MAN2B2: variants seen among roughly 807,000 people sequenced by gnomAD.
The protein encoded by MAN2B2 is mannosidase alpha class 2B member 2.
In MAN2B2, 106 loss-of-function variants were observed where a neutral mutation model predicts 117.1. The observed-to-expected ratio is 0.90, with a 90% confidence interval of 0.77 to 1.06. The LOEUF is 1.06. MAN2B2 is among the 50% of genes least tolerant of loss of function. MAN2B2 has a pLI of 0.00. For missense variants in MAN2B2, 1,326 were observed against 1,381.4 expected, an observed-to-expected ratio of 0.96 and a Z score of 0.64; for synonymous variants, 544 against 595.1, an observed-to-expected ratio of 0.91 and a Z score of 1.25.
At chr4:6,592,432 C>T (rs1726894234) in intron 5 of MAN2B2, among the ~76,000 whole-genome samples, 1 of 152,022 alleles carries the variant, frequency 6.6e-6, no homozygotes, top group Admixed American at 6.6e-5. Context: ...CAGCCTGGGC[C>T]ACAGAGCAAG....
At position 6,603,992 on chromosome 4, in the gene MAN2B2, G is replaced by A. The variant is rs552389300; in HGVS notation, c.1540-1063G>A. On this transcript the variant is annotated intron_variant, in intron 10 of 18. Transcript: ENST00000285599. The stretch of plus-strand genomic sequence containing the variant: ...CCTCCCTCTCCAAATCAGACACCTT[G>A]GAGGTGAGCAGAGGCCAGGAGGGTT... Among the ~76,000 whole-genome samples, 7 of 152,344 alleles carry A rather than the reference G, an allele frequency of 4.6e-5. No individual in the cohort carries two copies. The East Asian group carries it at 7.7e-4, about 17-fold the overall frequency.
At chr4:6,612,732 A>G (rs73796300) in intron 15 of MAN2B2, among the ~76,000 whole-genome samples, 2,735 of 152,308 alleles carry the variant, frequency 0.018, 74 homozygotes, top group African/African-American at 0.058. Flanking sequence ...AGATGAGGCC[A>G]TGTCTGAGAA....
intron 3 of MAN2B2, among the ~76,000 whole-genome samples, chr4:6,580,854 C>T (rs1726400150): frequency 6.6e-6 from 1 of 152,244 alleles, no homozygotes; most frequent in Non-Finnish European, 1.5e-5. Flanking sequence ...TGCCTAAGTG[C>T]TGATACCCCA....
In MAN2B2 at chr4:6,594,790, T is replaced by C. The variant is rs114352943; in HGVS notation, c.1057+58T>C. On this transcript the variant is annotated intron_variant, in intron 7 of 18. Transcript: ENST00000285599. ...GGTGGCAGGGAGGGTATAGTCCACG[T>C]ACCCTCTGCCCACTTCAGTGGCTGC... 1.2e-3 allele frequency: 1,848 copies of C among 1,495,776 alleles called. 23 individuals carry two copies. The African/African-American group carries it at 0.023, about 19-fold the overall frequency. The allele number at this position is 1,495,776 out of a possible 1,614,324, so 92.7% of individuals were successfully genotyped here. A position where few individuals can be genotyped will look rare whatever the true frequency, so the allele number is the denominator to read the frequency against.
At chr4:6,583,949 G>A (rs1305431038) in intron 3 of MAN2B2, among the ~76,000 whole-genome samples, 1 of 152,148 alleles carries the variant, frequency 6.6e-6, no homozygotes, top group East Asian at 1.9e-4. Flanking sequence ...CCCTTTTCCA[G>A]TGGAGTGTCC....
rs1164886988 is a variant in MAN2B2, at chr4:6,621,547, A to G, written c.*262A>G. On this transcript the variant is annotated 3_prime_UTR_variant, in exon 19 of 19. Coordinates refer to ENST00000285599, the MANE Select transcript of MAN2B2 (RefSeq NM_015274.3). ...TTCTGTCACGTAAAGGATATTTGGC[A>G]CACTCATGCGTCATTCATTCACAAA... 1 of 433,624 alleles carries G rather than the reference A, an allele frequency of 2.3e-6. No homozygotes were observed. The highest frequency in any genetic ancestry group is 2.0e-5 in the African/African-American group (1 of 50,122). The allele number at this position is 433,624 out of a possible 1,614,324, so 26.9% of individuals were successfully genotyped here.
chr4:6,598,385 C>T, intron 9 of MAN2B2, 31 bp downstream of exon 9: 9 of 1,596,466 alleles, frequency 5.6e-6, no homozygotes, highest in Non-Finnish European at 6.8e-6. Flanking sequence ...AGGCTGTGGC[C>T]CCTTTATGAA....
At chr4:6,605,897 A>C (rs1727526142) in intron 11 of MAN2B2, among the ~76,000 whole-genome samples, 1 of 145,124 alleles carries the variant, frequency 6.9e-6, no homozygotes, top group African/African-American at 2.5e-5. Flanking sequence ...CCATCCATCC[A>C]CTCACCCAAC....
chr4:6,588,988 G>C, intron 4 of MAN2B2, 57 bp from the exon 5 acceptor site: 5 of 1,335,894 alleles, frequency 3.7e-6, no homozygotes, highest in Non-Finnish European at 5.4e-6. Context: ...GCTGAGGGAA[G>C]TGGAGCTGGG....
chr4:6,575,194 C>G lies in MAN2B2; in HGVS notation c.-17C>G, dbSNP rs771705090. 1 of 1,404,722 alleles carries G rather than the reference C, an allele frequency of 7.1e-7. No homozygotes were observed. The allele number at this position is 1,404,722 out of a possible 1,614,324, so 87.0% of individuals were successfully genotyped here. On this transcript the variant is annotated 5_prime_UTR_variant, in exon 1 of 19. Coordinates refer to ENST00000285599, the MANE Select transcript of MAN2B2 (RefSeq NM_015274.3). ...GACCCGGAAGTGGGCCTGGCACCTT[C>G]CCGGCCTGCCGCAGGGATGGGGCAG...
chr4:6,586,954 G>GC (rs754003313), intron 3 of MAN2B2, 42 bp from the exon 4 acceptor site: 6 of 1,580,382 alleles, frequency 3.8e-6, no homozygotes, highest in Non-Finnish European at 4.3e-6. Flanking sequence ...GGAGGCACAG[G>GC]CCCGCCCTCC....
Position 6,610,787 on chromosome 4 carries a change from A to G in MAN2B2, c.2260-93A>G, listed in dbSNP as rs1560660640. ...CCAGCCCCATGCTGCTGCTGTGCCTATGGGGAGCACCAGCTGGGGTGGCCA... is the reference window on the plus strand; with the variant it reads ...CCAGCCCCATGCTGCTGCTGTGCCTGTGGGGAGCACCAGCTGGGGTGGCCA... On this transcript the variant is annotated intron_variant, in intron 13 of 18. Transcript: ENST00000285599. The G allele has an allele frequency of 2.9e-6, 3 of 1,043,946 alleles. No individual in the cohort carries two copies. In the East Asian group the frequency reaches 7.1e-5, roughly 25 times the overall value. The allele number at this position is 1,043,946 out of a possible 1,614,324, so 64.7% of individuals were successfully genotyped here.
At chr4:6,585,880 A>G (rs1333480827) in intron 3 of MAN2B2, among the ~76,000 whole-genome samples, 1 of 152,116 alleles carries the variant, frequency 6.6e-6, no homozygotes, top group African/African-American at 2.4e-5. Flanking sequence ...GAGAGCAGGC[A>G]AGGGCAGCCA....
rs759509114 is a variant in MAN2B2 at position 6,593,258 on chromosome 4, C to T, written c.766C>T (p.Pro256Ser). Reference protein sequence around the residue: ...VYPNMSEPVTPANINLYAEAL... With the variant: ...VYPNMSEPVTSANINLYAEAL... ...CCCCAACATGAGTGAGCCTGTCACC[C>T]CAGCCAACATCAACCTCTATGCCGA... Residue 256 changes from proline (P) to serine (S), a missense_variant, in exon 6 of 19, where the codon CCA (proline) becomes TCA (serine). Pro to Ser is a moderately conservative substitution (Grantham distance 74). Coordinates refer to ENST00000285599, the MANE Select transcript of MAN2B2 (RefSeq NM_015274.3). 6.2e-6 allele frequency: 10 copies of T among 1,613,898 alleles called. No individual in the cohort carries two copies. Among genetic ancestry groups the T allele is most frequent in the East Asian group, 2.2e-5 (1 of 44,878 alleles).
At chr4:6,579,335 C>T (rs1402486974) in intron 3 of MAN2B2, among the ~76,000 whole-genome samples, 1 of 137,478 alleles carries the variant, frequency 7.3e-6, no homozygotes. Context: ...CCACCACCAC[C>T]ACCACCATCA....
intron 11 of MAN2B2, among the ~76,000 whole-genome samples, chr4:6,606,995 G>T (rs571373772): frequency 3.7e-4 from 57 of 152,264 alleles, no homozygotes; most frequent in Admixed American, 1.0e-3. Flanking sequence ...GTGGTTTCTG[G>T]TGCATTCACA....
At chr4:6,606,708 T>C (rs66673264) in intron 11 of MAN2B2, among the ~76,000 whole-genome samples, 52,849 of 152,178 alleles carry the variant, frequency 0.35, 10,406 homozygotes, top group East Asian at 0.5. Context: ...AACCAGTGCC[T>C]GTCACCTGAG....
intron 5 of MAN2B2, among the ~76,000 whole-genome samples, chr4:6,589,578 T>C (rs1726780675): frequency 1.3e-5 from 2 of 152,042 alleles, no homozygotes; most frequent in African/African-American, 2.4e-5. Flanking sequence ...CTTAAGCACA[T>C]GGTGTCCCAT....
chr4:6,575,236 T>C lies in MAN2B2; in HGVS notation c.26T>C (p.Leu9Pro). MGQLCWLP[L>P]LAPLLLLRPP... ...ATGGGGCAGCTGTGCTGGCTGCCGC[T>C]GCTGGCACCGCTCCTGTTGCTGCGA... Residue 9 changes from leucine (L) to proline (P), a missense_variant, in exon 1 of 19, where the codon CTG becomes CCG. By Grantham distance (98) the Leu-to-Pro change is moderately conservative. Transcript: ENST00000285599. 6.5e-7 allele frequency: 1 copy of C among 1,537,728 alleles called. No homozygotes were observed. Among genetic ancestry groups the C allele is most frequent in the Non-Finnish European group, 8.7e-7 (1 of 1,146,384 alleles).
Sources: gnomAD v4.1 joint callset for allele counts (sites outside exome capture counted in the v4.1 genomes callset) on GRCh38, gnomAD v4.1.1 for gene constraint, MANE v1.5 for transcripts, NCBI Gene and HGNC (gene_info 2026-07-23, HGNC 2026-07-21) for gene names.